RPTOR: variants seen among roughly 807,000 people sequenced by gnomAD.
The protein encoded by RPTOR is regulatory associated protein of MTOR complex 1, also known as regulatory-associated protein of mTOR.
A neutral mutation model predicts 169.9 loss-of-function variants in RPTOR; 21 were observed. The observed-to-expected ratio is 0.12, with a 90% confidence interval of 0.09 to 0.18. The LOEUF (loss-of-function observed/expected upper bound fraction) is 0.18, where lower values mean the gene tolerates loss of function less well. Among genes scored for constraint, RPTOR ranks in the 10% least tolerant of loss-of-function variants. The pLI, the probability that RPTOR is intolerant of heterozygous loss-of-function variation, is 1.00. For missense variants in RPTOR, 1,133 were observed against 1,855.9 expected (o/e 0.61, Z 7.16); for synonymous variants, 732 against 753.2 (o/e 0.97, Z 0.46).
intron 6 of RPTOR, among the ~76,000 whole-genome samples, chr17:80,755,387 G>A (rs187211022): frequency 6.2e-4 from 94 of 152,120 alleles, no homozygotes; most frequent in Admixed American, 2.3e-3. Flanking sequence ...GATCCCTTGA[G>A]CGCGGGAGTT....
chr17:80,780,161 C>G (rs1252577382), intron 6 of RPTOR, among the ~76,000 whole-genome samples: 2 of 152,180 alleles, frequency 1.3e-5, no homozygotes, highest in Admixed American at 1.3e-4. Context: ...GCAGCTGGAT[C>G]AAAAGTCTGG....
chr17:80,658,857 C>T (rs955578236), intron 3 of RPTOR, among the ~76,000 whole-genome samples: 1 of 152,142 alleles, frequency 6.6e-6, no homozygotes, highest in Non-Finnish European at 1.5e-5. Context: ...TTATCAATTC[C>T]AGTTCTCTGG....
At chr17:80,688,623 G>A (rs529607717) in intron 3 of RPTOR, among the ~76,000 whole-genome samples, 174 of 152,340 alleles carry the variant, frequency 1.1e-3, no homozygotes, top group Non-Finnish European at 2.1e-3. Context: ...GCTTCCTGTG[G>A]GTTCCACTGG....
rs146741196 is a variant in RPTOR, at chr17:80,774,233, G to T, written c.831-17217G>T. On this transcript the variant is annotated intron_variant, in intron 6 of 33. Transcript: ENST00000306801. ...CCTTGAGTTCTCGGTTCTCGACAGC[G>T]CCCGTGTGATGATGATGCTCACGCT... The T allele has an allele frequency of 5.1e-4, 503 of 985,420 alleles. 1 individual carries two copies. The highest frequency in any genetic ancestry group is 5.2e-4 in the Middle Eastern group (1 of 1,914). The allele number at this position is 985,420 out of a possible 1,614,324, so 61.0% of individuals were successfully genotyped here.
chr17:80,821,594 T>C (rs1182990637), intron 7 of RPTOR, among the ~76,000 whole-genome samples: 4 of 152,124 alleles, frequency 2.6e-5, no homozygotes, highest in Non-Finnish European at 4.4e-5. Flanking sequence ...CTCTCTGTCG[T>C]ATTTGTCTCT....
At chr17:80,694,193 G>T (rs1488519835) in intron 3 of RPTOR, among the ~76,000 whole-genome samples, 1 of 152,232 alleles carries the variant, frequency 6.6e-6, no homozygotes, top group Non-Finnish European at 1.5e-5. Context: ...CAGAGTGGGT[G>T]GGGAGGCGAC....
chr17:80,938,469 G>T (rs749381752), intron 24 of RPTOR, among the ~76,000 whole-genome samples: 2 of 152,154 alleles, frequency 1.3e-5, no homozygotes, highest in Non-Finnish European at 2.9e-5. Flanking sequence ...TCTTTCCACC[G>T]CGGGTTTTTT....
In RPTOR at chr17:80,665,441, TCC is replaced by T. The variant is rs1567846406; in HGVS notation, c.348+21632_348+21633del. 2.0e-3 allele frequency among the ~76,000 whole-genome samples: 40 copies of T among 20,028 alleles called. 5 individuals carry two copies. Among genetic ancestry groups the T allele is most frequent in the African/African-American group, 0.019 (37 of 1,974 alleles). The allele number at this position is 20,028 out of a possible 152,430, so 13.1% of individuals were successfully genotyped here. On this transcript the variant is annotated intron_variant, in intron 3 of 33. Transcript: ENST00000306801. Reference sequence around the variant, plus strand: ...TCCTTTCCTTTCCTTTCCTTTCCTTTCCTTTCCTTTCCTTTCCTTTCCTTTCC... The same window carrying T: ...TCCTTTCCTTTCCTTTCCTTTCCTTTTTTCCTTTCCTTTCCTTTCCTTTCC...
At chr17:80,599,933 TG>T (rs1319363066) in intron 1 of RPTOR, among the ~76,000 whole-genome samples, 1 of 152,148 alleles carries the variant, frequency 6.6e-6, no homozygotes, top group Non-Finnish European at 1.5e-5. Context: ...GGCTTCTCCT[TG>T]GTGTAAAGGA....
At position 80,633,193 on chromosome 17, in the gene RPTOR, C is replaced by T. The variant is rs756320331; in HGVS notation, c.265+7400C>T. ...CTGAGAGAAGGCGGCTGACATGGTG[C>T]TTCAGCACCTCTGAATTCCTTAGTG... On this transcript the variant is annotated intron_variant, in intron 2 of 33. Transcript: ENST00000306801. The surrounding 1 kb of genome is among the most constrained non-coding windows in gnomAD (Gnocchi z 4.1). 1.7e-3 allele frequency among the ~76,000 whole-genome samples: 254 copies of T among 152,256 alleles called. No individual in the cohort carries two copies. The highest frequency in any genetic ancestry group is 2.3e-3 in the Non-Finnish European group (156 of 68,048).
chr17:80,893,829 C>T lies in RPTOR; in HGVS notation c.2365C>T (p.Arg789Cys), dbSNP rs2143878531. 2 of 1,533,994 alleles carry T rather than the reference C, an allele frequency of 1.3e-6. No individual in the cohort carries two copies. The highest frequency in any genetic ancestry group is 2.5e-5 in the South Asian group (2 of 80,534). Reference sequence around the variant, plus strand: ...CTTCGAGACCATCGACAAGATGCGCCGCGCCAGCTCCTACTCCTCCCTCAA... The same window carrying T: ...CTTCGAGACCATCGACAAGATGCGCTGCGCCAGCTCCTACTCCTCCCTCAA... ...LSFETIDKMR[R>C]ASSYSSLNSL... The change falls in exon 20 of 34, where the codon CGC becomes TGC. Residue 789 changes from arginine (R) to cysteine (C), a missense_variant. Around this residue, in one of 9 missense-constraint regions of RPTOR, gnomAD observed 150 missense variants for 206.4 expected, o/e 0.73. Coordinates refer to ENST00000306801, the MANE Select transcript of RPTOR (RefSeq NM_020761.3).
rs187228883 is a variant in RPTOR at position 80,918,307 on chromosome 17, C to T, written c.2521-4417C>T. ...CCATCCAGACAGAGATGCCCTGTTC[C>T]CCTGCGGAGATGCAGACTCCAGGCT... On this transcript the variant is annotated intron_variant, in intron 21 of 33. Transcript: ENST00000306801. Among the ~76,000 whole-genome samples the T allele has an allele frequency of 4.0e-3, 615 of 152,330 alleles. 2 individuals carry two copies. Among genetic ancestry groups the T allele is most frequent in the Non-Finnish European group, 6.7e-3 (458 of 68,028 alleles).
At chr17:80,852,860 C>T (rs58844802) in intron 11 of RPTOR, among the ~76,000 whole-genome samples, 3,550 of 152,142 alleles carry the variant, frequency 0.023, 140 homozygotes, top group African/African-American at 0.079. Context: ...CCCAGGTGGC[C>T]GCCATCTCCT....
At chr17:80,877,518 A>C (rs1056270052) in intron 13 of RPTOR, among the ~76,000 whole-genome samples, 1 of 152,158 alleles carries the variant, frequency 6.6e-6, no homozygotes, top group Non-Finnish European at 1.5e-5. Flanking sequence ...TCAAATTCAG[A>C]ATTAGTGAGA....
chr17:80,824,270 A>G (rs1382250274), intron 9 of RPTOR, among the ~76,000 whole-genome samples: 3 of 152,256 alleles, frequency 2.0e-5, no homozygotes, highest in Non-Finnish European at 2.9e-5. Flanking sequence ...CCTTCTTAAG[A>G]CTCTGTAAGA....
chr17:80,954,938 G>A (rs1369691060), intron 28 of RPTOR, among the ~76,000 whole-genome samples: 2 of 152,026 alleles, frequency 1.3e-5, no homozygotes, highest in Non-Finnish European at 2.9e-5. Context: ...AAGAAAGAAA[G>A]AAAGAAATCA....
chr17:80,823,988 A>G lies in RPTOR; in HGVS notation c.1136+765A>G, dbSNP rs1007223851. 1.3e-5 allele frequency among the ~76,000 whole-genome samples: 2 copies of G among 152,192 alleles called. No homozygotes were observed. Among genetic ancestry groups the G allele is most frequent in the Non-Finnish European group, 2.9e-5 (2 of 68,042 alleles). On this transcript the variant is annotated intron_variant, in intron 9 of 33. Transcript: ENST00000306801. The surrounding 1 kb of genome is among the most constrained non-coding windows in gnomAD (Gnocchi z 4.5). ...CGTATGCCTAGCCGCAGAAGCCATC[A>G]TGTGGCGTATTTTCATGGCCAGGTT...
chr17:80,596,748 C>T (rs1197620759), intron 1 of RPTOR, among the ~76,000 whole-genome samples: 3 of 152,016 alleles, frequency 2.0e-5, no homozygotes, highest in African/African-American at 7.2e-5. Context: ...ACCTTTTTCT[C>T]TTATTTCAAT....
intron 1 of RPTOR, among the ~76,000 whole-genome samples, chr17:80,623,994 A>T (rs1260250323): frequency 1.3e-5 from 2 of 151,832 alleles, no homozygotes; most frequent in African/African-American, 4.8e-5. Flanking sequence ...CTGTACCCTC[A>T]AACTCCTGGG....
Sources: allele counts gnomAD v4.1 joint callset (sites outside exome capture counted in the v4.1 genomes callset), GRCh38; gene constraint gnomAD v4.1.1; regional missense constraint gnomAD v4.1.1; non-coding constraint Gnocchi (gnomAD v3.1); transcripts MANE v1.5; gene names NCBI Gene and HGNC (gene_info 2026-07-23, HGNC 2026-07-21).